PARP4: variants seen among roughly 807,000 people sequenced by gnomAD.
PARP4 encodes poly(ADP-ribose) polymerase family member 4.
A neutral mutation model predicts 187.7 loss-of-function variants in PARP4; 120 were observed. The ratio of observed to expected loss-of-function variants is 0.64; its 90% confidence interval spans 0.55 to 0.74. The LOEUF is 0.74. PARP4 is among the 30% of genes least tolerant of loss of function. The probability of loss-of-function intolerance (pLI) is 0.00; values close to 1 mark genes in which losing one functional copy is unlikely to be tolerated. For missense variants in PARP4, 1,836 were observed against 2,070.5 expected (o/e 0.89, Z 2.20); for synonymous variants, 654 against 740.9 (o/e 0.88, Z 1.90).
chr13:24,462,436 G>A (rs1872255648), intron 17 of PARP4, among the ~76,000 whole-genome samples: 1 of 152,162 alleles, frequency 6.6e-6, no homozygotes, highest in Non-Finnish European at 1.5e-5. Flanking sequence ...GAAAGAACAG[G>A]AGTTGCCACT....
At chr13:24,488,367 T>C (rs1182643646) in intron 10 of PARP4, among the ~76,000 whole-genome samples, 2 of 152,206 alleles carry the variant, frequency 1.3e-5, no homozygotes, top group African/African-American at 2.4e-5. Flanking sequence ...GGAATGAATG[T>C]TTTTGAGACA....
chr13:24,465,924 G>A (rs541026585), intron 17 of PARP4, among the ~76,000 whole-genome samples: 1 of 152,088 alleles, frequency 6.6e-6, no homozygotes, highest in East Asian at 1.9e-4. Context: ...TGGTTGTAAG[G>A]TTCTTACATA....
rs544444066 is a variant in PARP4, at chr13:24,501,959, C to T, written c.133-125G>A. ...GTTTGTGATAATCTTTCTCAAATTT[C>T]GAAAAACCTCTATAAATATCACAGT... On this transcript the variant is annotated intron_variant, in intron 2 of 33. Transcript: ENST00000381989. 27 of 614,892 alleles carry T rather than the reference C, an allele frequency of 4.4e-5. No homozygotes were observed. The Admixed American group carries it at 4.6e-4, about 11-fold the overall frequency. 38.1% of individuals were successfully genotyped at this position (614,892 alleles called of 1,614,324 possible).
chr13:24,509,017 T>C (rs1869856883), intron 1 of PARP4, among the ~76,000 whole-genome samples: 1 of 152,246 alleles, frequency 6.6e-6, no homozygotes, highest in Non-Finnish European at 1.5e-5. Context: ...AACATCCTTA[T>C]GTGCAAATCC....
chr13:24,496,196 C>T (rs1868943982), intron 6 of PARP4, among the ~76,000 whole-genome samples: 1 of 152,218 alleles, frequency 6.6e-6, no homozygotes, highest in South Asian at 2.1e-4. Flanking sequence ...CACATTCTAT[C>T]ATGTTTTTCA....
chr13:24,501,626 T>A lies in PARP4; in HGVS notation c.334+7A>T. 1 of 1,600,494 alleles carries A rather than the reference T, an allele frequency of 6.2e-7. No individual in the cohort carries two copies. The highest frequency in any genetic ancestry group is 1.1e-5 in the South Asian group (1 of 90,718). The stretch of plus-strand genomic sequence containing the variant: ...GATACGTTAAATGCTTGCTATGAAA[T>A]ACCTACCAGAACTGCTCGCCTTCTG... On this transcript the variant is annotated splice_region_variant and intron_variant, in intron 3 of 33. Coordinates refer to ENST00000381989, the MANE Select transcript of PARP4 (RefSeq NM_006437.4).
intron 21 of PARP4, 40 bp from the exon 22 acceptor site, chr13:24,455,252 CACTTCA>C (rs767845278): frequency 6.8e-7 from 1 of 1,464,464 alleles, no homozygotes; most frequent in Admixed American, 2.0e-5. Flanking sequence ...AGCTTCTTGT[CACTTCA>C]ACTGCAAAAG....
At chr13:24,454,933 C>G in intron 22 of PARP4, 84 bp downstream of exon 22, 2 of 1,135,368 alleles carry the variant, frequency 1.8e-6, no homozygotes, top group Non-Finnish European at 2.5e-6. Flanking sequence ...CAGGCAGGGT[C>G]GGGTACCCAC....
At chr13:24,460,290 T>C (rs962278493) in intron 17 of PARP4, among the ~76,000 whole-genome samples, 154 bp from the exon 18 acceptor site, 5 of 152,258 alleles carry the variant, frequency 3.3e-5, no homozygotes, top group African/African-American at 1.2e-4. Flanking sequence ...TTGGTGGGGC[T>C]AACGGAGAAT....
chr13:24,432,195 T>A (rs1565986885), intron 31 of PARP4, among the ~76,000 whole-genome samples: 1 of 132,836 alleles, frequency 7.5e-6, no homozygotes, highest in Admixed American at 7.5e-5. Flanking sequence ...TGAACATTTA[T>A]CATGTCTTTG....
At chr13:24,473,871 T>C (rs982929222) in intron 15 of PARP4, among the ~76,000 whole-genome samples, 1 of 152,094 alleles carries the variant, frequency 6.6e-6, no homozygotes, top group African/African-American at 2.4e-5. Flanking sequence ...AGCCGCTCCC[T>C]CCTGGTCTCT....
chr13:24,431,254 C>T (rs542562939), intron 32 of PARP4, 123 bp downstream of exon 32: 20 of 594,558 alleles, frequency 3.4e-5, no homozygotes, highest in African/African-American at 7.9e-5. Context: ...TAATTCCATT[C>T]GAATATAACT....
In PARP4 at chr13:24,484,670, A is replaced by G. The variant is rs1213428181; in HGVS notation, c.1431T>C (p.Tyr477=). The G allele has an allele frequency of 6.2e-7, 1 of 1,610,118 alleles. No homozygotes were observed. Among genetic ancestry groups the G allele is most frequent in the Admixed American group, 1.7e-5 (1 of 60,014 alleles). The stretch of plus-strand genomic sequence containing the variant: ...GAACATACCTGAGCGAATCACTGAA[A>G]TAAATCCCACTTCCAAGGTTTCCGA... The part of the protein sequence containing the change: ...TDVGNLGSGI[Y]FSDSLSTSIK... Residue 477 remains tyrosine, a synonymous_variant, in exon 12 of 34, where the codon TAT becomes TAC. Coordinates refer to ENST00000381989, the MANE Select transcript of PARP4 (RefSeq NM_006437.4).
chr13:24,426,569 G>T lies in PARP4; in HGVS notation c.4876C>A (p.Leu1626Ile), dbSNP rs2137430737. ...TGTAGTACCAGCATTGTGGCAATTA[G>T]GTCCAGGAGACATTCTCTTCCTTTT... ...GVKGRECLLD[L>I]IATMLVLQFI... The change falls in exon 33 of 34, where the codon CTA (leucine) becomes ATA (isoleucine). Residue 1626 changes from leucine (L) to isoleucine (I), a missense_variant. This residue lies in a region of PARP4 where 45 missense variants were observed against 53.1 expected (regional missense o/e 0.85). Coordinates refer to ENST00000381989, the MANE Select transcript of PARP4 (RefSeq NM_006437.4). 6.2e-7 allele frequency: 1 copy of T among 1,612,512 alleles called. No homozygotes were observed. The highest frequency in any genetic ancestry group is 8.5e-7 in the Non-Finnish European group (1 of 1,179,378).
chr13:24,502,257 C>G (rs575254833), intron 2 of PARP4, among the ~76,000 whole-genome samples: 3 of 152,252 alleles, frequency 2.0e-5, no homozygotes, highest in South Asian at 4.1e-4. Context: ...GTTGACCAGG[C>G]TGGTCTTGAA....
intron 1 of PARP4, among the ~76,000 whole-genome samples, chr13:24,507,539 C>A (rs1043915660): frequency 1.2e-4 from 19 of 152,172 alleles, no homozygotes; most frequent in African/African-American, 4.3e-4. Flanking sequence ...ACCCCCATCT[C>A]CTTCTGCCAG....
chr13:24,433,352 A>G (rs1245920360), intron 31 of PARP4, among the ~76,000 whole-genome samples: 4 of 152,142 alleles, frequency 2.6e-5, no homozygotes, highest in Non-Finnish European at 4.4e-5. Flanking sequence ...GTGATGGCAT[A>G]CTGGTGTCCC....
chr13:24,470,146 C>T, intron 15 of PARP4, 121 bp from the exon 16 acceptor site: 1 of 856,902 alleles, frequency 1.2e-6, no homozygotes, highest in South Asian at 1.8e-5. Context: ...GTATCACGTC[C>T]CTCAAATTCC....
intron 32 of PARP4, 109 bp downstream of exon 32, chr13:24,431,268 A>G: frequency 3.1e-6 from 2 of 638,878 alleles, no homozygotes; most frequent in Non-Finnish European, 5.4e-6. Flanking sequence ...TATAACTTTC[A>G]TAATTATTAC....
Sources: gnomAD v4.1 joint callset for allele counts (sites outside exome capture counted in the v4.1 genomes callset) on GRCh38, gnomAD v4.1.1 for gene constraint, gnomAD v4.1.1 regional missense constraint, MANE v1.5 for transcripts, NCBI Gene and HGNC (gene_info 2026-07-23, HGNC 2026-07-21) for gene names.